The following SPTB variants were observed in gnomAD, a reference collection of about 807,000 sequenced individuals.
The protein encoded by SPTB is spectrin beta chain, erythrocytic.
Under a neutral mutation model 256.2 loss-of-function variants are expected in SPTB, and 45 were observed. The ratio of observed to expected loss-of-function variants is 0.18; its 90% CI spans 0.14 to 0.23. The LOEUF is 0.23. SPTB is among the 10% of genes least tolerant of loss of function. SPTB has a pLI of 1.00. For synonymous variants in SPTB, 1,231 were observed against 1,243.1 expected, an observed-to-expected ratio of 0.99 and a Z score of 0.21; for missense variants, 2,715 against 3,040.4, an observed-to-expected ratio of 0.89 and a Z score of 2.52.
At position 64,758,967 on chromosome 14, in the gene SPTB, G is replaced by T. The variant is rs1381364945; in HGVS notation, c.6346-5174C>A. Among the ~76,000 whole-genome samples the T allele has an allele frequency of 6.6e-6, 1 of 152,234 alleles. No homozygotes were observed. The highest frequency in any genetic ancestry group is 3.4e-3 in the Middle Eastern group (1 of 294). On this transcript the variant is annotated intron_variant, in intron 32 of 35. Transcript: ENST00000644917. This position sits in a 1 kb window ranked among gnomAD's most constrained non-coding sequence, Gnocchi z 4.6. ...TGGGGGCCTTATCAGGGAAGGGGGT[G>T]GGGGAGGCTGGAGATGGGGTAGATG...
At chr14:64,787,213 T>G in intron 15 of SPTB, 53 bp from the exon 16 acceptor site, 1 of 1,596,464 alleles carries the variant, frequency 6.3e-7, no homozygotes, top group Non-Finnish European at 8.5e-7. Context: ...CCCTTAGCTC[T>G]TCTTCCCATA....
chr14:64,768,033 G>C (rs929686693), intron 29 of SPTB, 174 bp from the exon 30 acceptor site: 3 of 695,982 alleles, frequency 4.3e-6, no homozygotes, highest in Non-Finnish European at 7.6e-6. Flanking sequence ...GCCCCTAACC[G>C]ATCTTCACAA....
chr14:64,854,269 A>G (rs536409855), intron 1 of SPTB, among the ~76,000 whole-genome samples: 34 of 140,046 alleles, frequency 2.4e-4, no homozygotes, highest in Non-Finnish European at 4.0e-4. Context: ...ATAGTTTTCC[A>G]AACTCTTTTT....
At chr14:64,851,423 A>C (rs2083783426) in intron 1 of SPTB, among the ~76,000 whole-genome samples, 1 of 152,190 alleles carries the variant, frequency 6.6e-6, no homozygotes, top group African/African-American at 2.4e-5. Flanking sequence ...AATGCCTAGC[A>C]CCCAGAAAGA....
At chr14:64,799,988 G>A in intron 8 of SPTB, 54 bp from the exon 9 acceptor site, 3 of 1,593,418 alleles carry the variant, frequency 1.9e-6, no homozygotes, top group Non-Finnish European at 2.6e-6. Context: ...CCACCACTGA[G>A]GATATCAATG....
At chr14:64,808,725 C>T (rs1003029679) in intron 2 of SPTB, among the ~76,000 whole-genome samples, 18 of 152,158 alleles carry the variant, frequency 1.2e-4, no homozygotes, top group South Asian at 1.0e-3. Flanking sequence ...CACCAATTAA[C>T]TTTTGCAAGC....
chr14:64,793,288 A>G lies in SPTB; in HGVS notation c.2375T>C (p.Leu792Pro). The change falls in exon 14 of 36, where the codon CTG becomes CCG. Residue 792 changes from leucine (L) to proline (P), a missense_variant. Physicochemically the swap from Leu to Pro is moderately conservative, Grantham distance 98. Coordinates refer to ENST00000644917, the MANE Select transcript of SPTB (RefSeq NM_001355436.2). The surrounding 1 kb of genome is among the most constrained non-coding windows in gnomAD (Gnocchi z 7.0). ...CTCCATCACCCCACGGCTCTCCTCCAGCTCCTCCAGGAAGTCCTTGTGCTT... is the reference window on the plus strand; with the variant it reads ...CTCCATCACCCCACGGCTCTCCTCCGGCTCCTCCAGGAAGTCCTTGTGCTT... Reference protein sequence around the residue: ...GKKHKDFLEELEESRGVMEHL... With the variant: ...GKKHKDFLEEPEESRGVMEHL... 1 of 1,606,834 alleles carries G rather than the reference A, an allele frequency of 6.2e-7. No individual in the cohort carries two copies. The highest frequency in any genetic ancestry group is 8.5e-7 in the Non-Finnish European group (1 of 1,179,968).
intron 1 of SPTB, among the ~76,000 whole-genome samples, chr14:64,863,588 A>C (rs925673616): frequency 6.6e-6 from 1 of 152,164 alleles, no homozygotes; most frequent in African/African-American, 2.4e-5. Context: ...ACATGTCCTG[A>C]GGAGCAGCTG....
intron 32 of SPTB, chr14:64,755,388 G>A (rs961309467): frequency 6.6e-6 from 1 of 152,230 alleles, no homozygotes; most frequent in Non-Finnish European, 1.5e-5. Flanking sequence ...ACGTTGGAAG[G>A]CAGTGGTTGC....
chr14:64,749,689 T>G lies in SPTB; in HGVS notation c.6784A>C (p.Asn2262His). The change falls in exon 35 of 36, where the codon AAT becomes CAT. Residue 2262 changes from asparagine (N) to histidine (H), a missense_variant. By Grantham distance (68) the Asn-to-His change is moderately conservative. Coordinates refer to ENST00000644917, the MANE Select transcript of SPTB (RefSeq NM_001355436.2). The surrounding 1 kb of genome is among the most constrained non-coding windows in gnomAD (Gnocchi z 4.7). ...CCATGGAAGAGCCACTCGCTGCCAT[T>G]ACTCAGCCTAGGAGGACAAAGGGTT... ...KKHVFKLRLS[N>H]GSEWLFHGKD... 6.2e-7 allele frequency: 1 copy of G among 1,613,802 alleles called. No homozygotes were observed. The highest frequency in any genetic ancestry group is 8.5e-7 in the Non-Finnish European group (1 of 1,179,930).
intron 1 of SPTB, among the ~76,000 whole-genome samples, chr14:64,877,039 T>C (rs968121782): frequency 6.6e-6 from 1 of 152,032 alleles, no homozygotes; most frequent in African/African-American, 2.4e-5. Context: ...CCCTCTCCAA[T>C]AGTGTTTGCC....
intron 1 of SPTB, among the ~76,000 whole-genome samples, chr14:64,831,963 G>A (rs1404551804): frequency 6.6e-6 from 1 of 152,102 alleles, no homozygotes; most frequent in African/African-American, 2.4e-5. Context: ...CATAAAAATG[G>A]TTGTTTTTAG....
At chr14:64,773,921 A>C (rs1298873323) in intron 24 of SPTB, among the ~76,000 whole-genome samples, 1 of 152,160 alleles carries the variant, frequency 6.6e-6, no homozygotes, top group African/African-American at 2.4e-5. Flanking sequence ...GGCTGGGGGC[A>C]GTGTGTGGTC....
At chr14:64,863,286 C>T (rs1881964447) in intron 1 of SPTB, among the ~76,000 whole-genome samples, 1 of 152,130 alleles carries the variant, frequency 6.6e-6, no homozygotes, top group Non-Finnish European at 1.5e-5. Flanking sequence ...TACACTAACA[C>T]TAATGATAGC....
intron 1 of SPTB, among the ~76,000 whole-genome samples, chr14:64,830,565 T>C (rs896914950): frequency 1.6e-4 from 25 of 152,042 alleles, no homozygotes; most frequent in Non-Finnish European, 3.2e-4. Context: ...TCAATATTTA[T>C]TCATCACCAA....
At chr14:64,810,923 C>A (rs1200487802) in intron 2 of SPTB, among the ~76,000 whole-genome samples, 1 of 152,082 alleles carries the variant, frequency 6.6e-6, no homozygotes, top group African/African-American at 2.4e-5. Context: ...TGAGACTAGC[C>A]TGGCAATATA....
At chr14:64,805,540 G>C (rs1269017453) in intron 2 of SPTB, among the ~76,000 whole-genome samples, 1 of 152,006 alleles carries the variant, frequency 6.6e-6, no homozygotes, top group Non-Finnish European at 1.5e-5. Flanking sequence ...AGTATAAATG[G>C]CGCTTGGGTT....
In SPTB at chr14:64,774,515, C is replaced by T. The variant is rs537141390; in HGVS notation, c.4855G>A (p.Ala1619Thr). 17 of 1,553,660 alleles carry T rather than the reference C, an allele frequency of 1.1e-5. No homozygotes were observed. Among genetic ancestry groups the T allele is most frequent in the African/African-American group, 2.7e-5 (2 of 73,284 alleles). Reference protein sequence around the residue: ...SDEIPKDEEGAIVMLKRHLRQ... With the variant: ...SDEIPKDEEGTIVMLKRHLRQ... The stretch of plus-strand genomic sequence containing the variant: ...AAATGTCGCTTCAGCATCACAATGG[C>T]GCCCTCTTCATCCTAGGAGGCAGCA... Residue 1619 changes from alanine to threonine, a missense_variant, in exon 24 of 36, where the codon GCC (alanine) becomes ACC (threonine). Ala to Thr is a moderately conservative substitution (Grantham distance 58). This residue lies in a region of SPTB where 2,239 missense variants were observed against 2,384.4 expected (regional missense o/e 0.94). Transcript: ENST00000644917.
In SPTB at chr14:64,786,777, A is replaced by G. The variant is rs1372481726; in HGVS notation, c.3188T>C (p.Leu1063Pro). 5.0e-6 allele frequency: 8 copies of G among 1,613,966 alleles called. No homozygotes were observed. The highest frequency in any genetic ancestry group is 6.8e-6 in the Non-Finnish European group (8 of 1,180,032). The change falls in exon 16 of 36, where the codon CTG becomes CCG. Residue 1063 changes from leucine (L) to proline (P), a missense_variant. Coordinates refer to ENST00000644917, the MANE Select transcript of SPTB (RefSeq NM_001355436.2). This position sits in a 1 kb window ranked among gnomAD's most constrained non-coding sequence, Gnocchi z 5.6. The part of the protein sequence containing the change: ...QEDLLGEVSQ[L>P]QAFLQDLDDF... ...ATCCAGATCCTGCAGGAAGGCCTGC[A>G]GCTGGCTGACTTCCCCCAGCAAGTC... is the stretch of plus-strand genomic sequence containing the variant.
Sources: allele counts gnomAD v4.1 joint callset (sites outside exome capture counted in the v4.1 genomes callset), GRCh38; gene constraint gnomAD v4.1.1; regional missense constraint gnomAD v4.1.1; non-coding constraint Gnocchi (gnomAD v3.1); transcripts MANE v1.5; gene names NCBI Gene and HGNC (gene_info 2026-07-23, HGNC 2026-07-21).